The following TACC2 variants were observed in gnomAD, a reference collection of about 807,000 sequenced individuals.
The protein encoded by TACC2 is transforming acidic coiled-coil containing protein 2.
TACC2 carries 137 observed loss-of-function variants against 227.3 expected under a neutral mutation model. The observed-to-expected ratio is 0.60, with a 90% confidence interval of 0.52 to 0.69. The LOEUF is 0.69. Among genes scored for constraint, TACC2 ranks in the 30% least tolerant of loss-of-function variants. TACC2 has a pLI of 0.00. For synonymous variants in TACC2, 1,523 were observed against 1,487.5 expected (o/e 1.02, Z -0.55); for missense variants, 3,470 against 3,694.4 (o/e 0.94, Z 1.57).
At chr10:122,173,070 A>G (rs879398658) in intron 7 of TACC2, among the ~76,000 whole-genome samples, 1 of 152,150 alleles carries the variant, frequency 6.6e-6, no homozygotes, top group Admixed American at 6.5e-5. Flanking sequence ...GAAAAAAACC[A>G]ATTCAAACTG....
intron 7 of TACC2, among the ~76,000 whole-genome samples, chr10:122,184,125 G>A (rs1005733075): frequency 1.3e-5 from 2 of 152,152 alleles, no homozygotes; most frequent in Non-Finnish European, 1.5e-5. Context: ...CTGACACTTC[G>A]CAGCCCCTGG....
At chr10:122,154,471 A>G (rs1322643316) in intron 7 of TACC2, among the ~76,000 whole-genome samples, 1 of 152,244 alleles carries the variant, frequency 6.6e-6, no homozygotes, top group Non-Finnish European at 1.5e-5. Context: ...TGCCAAACTG[A>G]TGCCTAATAG....
At chr10:122,107,520 C>T (rs1451011949) in intron 5 of TACC2, among the ~76,000 whole-genome samples, 3 of 151,946 alleles carry the variant, frequency 2.0e-5, no homozygotes, top group East Asian at 3.9e-4. Context: ...ACCTGGGAGG[C>T]GGAGGTTGCA....
chr10:122,163,966 C>A, intron 7 of TACC2: 1 of 1,588,904 alleles, frequency 6.3e-7, no homozygotes, highest in Non-Finnish European at 8.6e-7. Flanking sequence ...CAGCCAGCGA[C>A]CTGAACCTGG....
intron 7 of TACC2, among the ~76,000 whole-genome samples, chr10:122,149,490 C>T (rs945516622): frequency 6.6e-6 from 1 of 152,168 alleles, no homozygotes; most frequent in Admixed American, 6.5e-5. Flanking sequence ...GAGGTGCCCC[C>T]ACACTCCCGG....
At chr10:122,028,802 TCTCCC>T (rs1277918405) in intron 2 of TACC2, among the ~76,000 whole-genome samples, 2 of 10,016 alleles carry the variant, frequency 2.0e-4, no homozygotes, top group East Asian at 6.8e-3. Flanking sequence ...CCTCCCCTCC[TCTCCC>T]CTCCCCTTCT....
chr10:122,089,952 T>A (rs1362791157), intron 5 of TACC2, among the ~76,000 whole-genome samples: 2 of 152,138 alleles, frequency 1.3e-5, no homozygotes, highest in African/African-American at 4.8e-5. Context: ...TGACTTAGGA[T>A]ACAATTTCCT....
chr10:122,187,733 C>T (rs1034624775), intron 7 of TACC2, among the ~76,000 whole-genome samples: 1 of 152,100 alleles, frequency 6.6e-6, no homozygotes, highest in African/African-American at 2.4e-5. Context: ...TCAGGTAATT[C>T]GTCCCACCTC....
chr10:122,214,103 A>G (rs2095352649), intron 9 of TACC2, among the ~76,000 whole-genome samples: 1 of 152,154 alleles, frequency 6.6e-6, no homozygotes, highest in African/African-American at 2.4e-5. Flanking sequence ...GGGGGGGTCC[A>G]AAGACATGCA....
intron 5 of TACC2, among the ~76,000 whole-genome samples, chr10:122,089,472 G>A (rs992161509): frequency 1.3e-5 from 2 of 152,230 alleles, no homozygotes; most frequent in African/African-American, 4.8e-5. Context: ...CACACTTGCA[G>A]TGTGCCTGCC....
Position 122,085,878 on chromosome 10 carries a change from A to G in TACC2, c.3378A>G (p.Glu1126=), listed in dbSNP as rs772967952. ...CATCAGCTGGGGAGCAAGGTGGTGA[A>G]GCCGGGGCTGCTGAGACTGGTGGCA... is the stretch of plus-strand genomic sequence containing the variant. ...SFPSAGEQGG[E]AGAAETGGSA... is the part of the protein sequence containing the mutation. The change falls in exon 4 of 23, where the codon GAA becomes GAG. Residue 1126 remains glutamate, a synonymous_variant. Transcript: ENST00000369005. 3.1e-6 allele frequency: 5 copies of G among 1,613,246 alleles called. No homozygotes were observed. The African/African-American group carries it at 6.7e-5, about 22-fold the overall frequency.
intron 2 of TACC2, among the ~76,000 whole-genome samples, chr10:122,039,360 T>C (rs187024989): frequency 6.0e-4 from 92 of 152,266 alleles, no homozygotes; most frequent in Non-Finnish European, 1.2e-3. Context: ...CCTGGTAGGT[T>C]CTCAGAGGGC....
At chr10:122,187,744 G>A (rs2094258292) in intron 7 of TACC2, among the ~76,000 whole-genome samples, 4 of 152,054 alleles carry the variant, frequency 2.6e-5, no homozygotes, top group Admixed American at 1.3e-4. Context: ...GTCCCACCTC[G>A]GGCTTCCAAA....
chr10:122,073,461 A>G (rs896067431), intron 3 of TACC2, among the ~76,000 whole-genome samples: 7 of 152,268 alleles, frequency 4.6e-5, no homozygotes, highest in Middle Eastern at 3.4e-3. Flanking sequence ...TGAGAGGTGA[A>G]CAGTGTGTTT....
chr10:122,042,363 C>T (rs1308426460), intron 2 of TACC2, among the ~76,000 whole-genome samples: 1 of 152,188 alleles, frequency 6.6e-6, no homozygotes, highest in African/African-American at 2.4e-5. Context: ...CTGCCTCAGC[C>T]TCCCAAGTAG....
In TACC2 at chr10:122,241,989, G is replaced by A; in HGVS notation, c.8380G>A (p.Ala2794Thr). 1.2e-6 allele frequency: 2 copies of A among 1,614,138 alleles called. No homozygotes were observed. The highest frequency in any genetic ancestry group is 8.5e-7 in the Non-Finnish European group (1 of 1,179,972). The change falls in exon 19 of 23, where the codon GCT becomes ACT. Residue 2794 changes from alanine to threonine, a missense_variant. Physicochemically the swap from Ala to Thr is moderately conservative, Grantham distance 58. Coordinates refer to ENST00000369005, the MANE Select transcript of TACC2 (RefSeq NM_206862.4). ...KIVAEYEKTIAQMIEDEQREK... is the reference protein window; with the variant it reads ...KIVAEYEKTITQMIEDEQREK... ...AGTGGCCGAGTATGAGAAGACCATC[G>A]CTCAGATGATAGGTAGGTGTCCTGA...
At chr10:122,161,906 A>T (rs2092836374) in intron 7 of TACC2, among the ~76,000 whole-genome samples, 1 of 152,230 alleles carries the variant, frequency 6.6e-6, no homozygotes, top group Non-Finnish European at 1.5e-5. Flanking sequence ...GGAGCCGAAG[A>T]GGTCTGTTTT....
intron 5 of TACC2, among the ~76,000 whole-genome samples, chr10:122,102,438 G>A (rs754925787): frequency 6.6e-5 from 10 of 152,140 alleles, no homozygotes; most frequent in Non-Finnish European, 1.2e-4. Context: ...CCCCGTAACC[G>A]CGCCTCACTC....
At chr10:122,229,539 A>G in intron 15 of TACC2, 53 bp downstream of exon 15, 2 of 1,604,052 alleles carry the variant, frequency 1.2e-6, no homozygotes, top group Non-Finnish European at 1.7e-6. Context: ...TCAGTAGAGA[A>G]TGAACCCCCG....
Sources: allele counts gnomAD v4.1 joint callset (sites outside exome capture counted in the v4.1 genomes callset), GRCh38; gene constraint gnomAD v4.1.1; transcripts MANE v1.5; gene names NCBI Gene and HGNC (gene_info 2026-07-23, HGNC 2026-07-21).